MACROD2: variants seen among roughly 807,000 people sequenced by gnomAD.
MACROD2 encodes the protein mono-ADP ribosylhydrolase 2, also known as ADP-ribose glycohydrolase MACROD2.
A neutral mutation model predicts 70.4 loss-of-function variants in MACROD2; 36 were observed. The ratio of observed to expected loss-of-function variants is 0.51; its 90% CI spans 0.39 to 0.68. The LOEUF (loss-of-function observed/expected upper bound fraction) is 0.68, where lower values mean the gene tolerates loss of function less well. Among genes scored for constraint, MACROD2 ranks in the 30% least tolerant of loss-of-function variants. The pLI is 0.00. For synonymous variants in MACROD2, 172 were observed against 178.8 expected, an observed-to-expected ratio of 0.96 and a Z score of 0.30; for missense variants, 496 against 538.4, an observed-to-expected ratio of 0.92 and a Z score of 0.78.
intron 5 of MACROD2, among the ~76,000 whole-genome samples, chr20:14,922,663 G>A (rs951539286): frequency 3.3e-5 from 5 of 152,120 alleles, no homozygotes; most frequent in Non-Finnish European, 5.9e-5. Context: ...AAGGAAAGGC[G>A]AATGTTGATA....
chr20:15,405,965 G>T (rs989175493), intron 6 of MACROD2, among the ~76,000 whole-genome samples: 4 of 152,140 alleles, frequency 2.6e-5, no homozygotes, highest in Admixed American at 2.0e-4. Context: ...TGTCTGACAC[G>T]CAGTAAGGAC....
chr20:15,670,251 A>G (rs574362079), intron 8 of MACROD2, among the ~76,000 whole-genome samples: 2 of 152,348 alleles, frequency 1.3e-5, no homozygotes, highest in African/African-American at 4.8e-5. Context: ...TGGAATACCT[A>G]TGAGCTTTCA....
intron 3 of MACROD2, among the ~76,000 whole-genome samples, chr20:14,198,835 C>A (rs555079355): frequency 6.6e-6 from 1 of 152,148 alleles, no homozygotes; most frequent in African/African-American, 2.4e-5. Context: ...TGTAAATAAT[C>A]TAAATGAGCA....
chr20:15,869,116 T>C (rs1220049499), intron 9 of MACROD2, among the ~76,000 whole-genome samples: 1 of 150,442 alleles, frequency 6.6e-6, no homozygotes, highest in Non-Finnish European at 1.5e-5. Context: ...TTTTTAACCA[T>C]AAAAACAATT....
intron 10 of MACROD2, among the ~76,000 whole-genome samples, chr20:15,897,515 T>C (rs1048205258): frequency 6.6e-6 from 1 of 152,170 alleles, no homozygotes; most frequent in African/African-American, 2.4e-5. Flanking sequence ...CTTTCTATTC[T>C]TTCTTTCTCT....
intron 8 of MACROD2, among the ~76,000 whole-genome samples, chr20:15,750,777 A>C (rs1284866483): frequency 6.6e-6 from 1 of 152,018 alleles, no homozygotes; most frequent in African/African-American, 2.4e-5. Context: ...CAACAATGAA[A>C]AACTATTTGG....
At position 15,758,930 on chromosome 20, in the gene MACROD2, A is replaced by T. The variant is rs112885487; in HGVS notation, c.646-103815A>T. 5.0e-3 allele frequency among the ~76,000 whole-genome samples: 762 copies of T among 152,138 alleles called. 10 individuals are homozygous for T. The highest frequency in any genetic ancestry group is 0.017 in the African/African-American group (712 of 41,544). On this transcript the variant is annotated intron_variant, in intron 8 of 17. Coordinates refer to ENST00000684519, the MANE Select transcript of MACROD2 (RefSeq NM_001351661.2). ...TTTGGGAGGCCAAGGCAGGTGCCTC[A>T]CAAGGTCAGGAGTTCAAGACCAGCC...
At chr20:14,065,905 G>A (rs17263514) in intron 2 of MACROD2, among the ~76,000 whole-genome samples, 27,444 of 152,178 alleles carry the variant, frequency 0.18, 2,697 homozygotes, top group South Asian at 0.25. Flanking sequence ...AAATACGTGA[G>A]TCGTCATTGT....
At chr20:15,669,736 G>T (rs988879615) in intron 8 of MACROD2, among the ~76,000 whole-genome samples, 1 of 152,146 alleles carries the variant, frequency 6.6e-6, no homozygotes, top group African/African-American at 2.4e-5. Flanking sequence ...TGCCAAAGCC[G>T]AGGTAATGTC....
intron 3 of MACROD2, among the ~76,000 whole-genome samples, chr20:14,188,675 A>G (rs1052773523): frequency 3.9e-5 from 6 of 152,116 alleles, no homozygotes; most frequent in African/African-American, 1.4e-4. Context: ...CCGCTGCAAG[A>G]TATTGTGAAT....
intron 5 of MACROD2, among the ~76,000 whole-genome samples, chr20:14,789,238 A>G (rs573182065): frequency 1.3e-5 from 2 of 152,054 alleles, no homozygotes; most frequent in South Asian, 2.1e-4. Context: ...GTTAAATGCA[A>G]TTAAACTTTG....
At chr20:14,857,079 C>A (rs1347177223) in intron 5 of MACROD2, among the ~76,000 whole-genome samples, 1 of 152,122 alleles carries the variant, frequency 6.6e-6, no homozygotes, top group African/African-American at 2.4e-5. Flanking sequence ...TTCTCCAAAT[C>A]TTGTTATTTT....
chr20:14,156,230 GC>G (rs1259573295), intron 3 of MACROD2, among the ~76,000 whole-genome samples: 20 of 152,172 alleles, frequency 1.3e-4, no homozygotes, highest in African/African-American at 4.8e-4. Flanking sequence ...AATTATCTAT[GC>G]AAGCATGGGG....
chr20:15,547,937 T>G (rs934664445), intron 8 of MACROD2, among the ~76,000 whole-genome samples: 26 of 152,212 alleles, frequency 1.7e-4, no homozygotes, highest in African/African-American at 5.8e-4. Flanking sequence ...TGAACTGTGG[T>G]TTTAGTACAA....
At chr20:14,672,619 G>GTTATCT (rs1451876807) in intron 4 of MACROD2, among the ~76,000 whole-genome samples, 2 of 152,172 alleles carry the variant, frequency 1.3e-5, no homozygotes, top group African/African-American at 4.8e-5. Context: ...TATGAGCTAA[G>GTTATCT]CACTGTACAT....
Position 14,566,436 on chromosome 20 carries a change from CA to C in MACROD2, c.301+72938del, listed in dbSNP as rs910618280. On this transcript the variant is annotated intron_variant, in intron 4 of 17. Coordinates refer to ENST00000684519, the MANE Select transcript of MACROD2 (RefSeq NM_001351661.2). The stretch of plus-strand genomic sequence containing the variant: ...TTGGCAGCATAACAGGTCCCCACCT[CA>C]AAAAAAAAATTAGGATTGCTGAGTC... 716 of 148,116 alleles carry C rather than the reference CA, an allele frequency of 4.8e-3. 4 individuals are homozygous for C. Among genetic ancestry groups the C allele is most frequent in the African/African-American group, 0.017 (669 of 40,456 alleles). 9.2% of individuals were successfully genotyped at this position (148,116 alleles called of 1,614,324 possible).
At position 15,237,792 on chromosome 20, in the gene MACROD2, A is replaced by AT. The variant is rs879386996; in HGVS notation, c.540+7743dup. On this transcript the variant is annotated intron_variant, in intron 6 of 17. Transcript: ENST00000684519. ...TCTGAGGGAGGAGAAAAGCTGGACT[A>AT]TTTTTTTTTTTTATCTTTCCCCCTT... is the stretch of plus-strand genomic sequence containing the variant. Among the ~76,000 whole-genome samples the AT allele has an allele frequency of 7.1e-3, 1,031 of 145,778 alleles. 5 individuals carry two copies. Among genetic ancestry groups the AT allele is most frequent in the Middle Eastern group, 0.011 (3 of 276 alleles).
intron 8 of MACROD2, among the ~76,000 whole-genome samples, chr20:15,804,364 T>C (rs1431012262): frequency 6.6e-6 from 1 of 152,248 alleles, no homozygotes; most frequent in Non-Finnish European, 1.5e-5. Context: ...CCTAATAGTA[T>C]TCTGCTTAAT....
At chr20:14,808,278 T>A (rs1909817083) in intron 5 of MACROD2, among the ~76,000 whole-genome samples, 1 of 152,094 alleles carries the variant, frequency 6.6e-6, no homozygotes, top group South Asian at 2.1e-4. Flanking sequence ...GGGGTTGATA[T>A]TCAAAATTTT....
Sources: gnomAD v4.1 joint callset for allele counts (sites outside exome capture counted in the v4.1 genomes callset) on GRCh38, gnomAD v4.1.1 for gene constraint, MANE v1.5 for transcripts, NCBI Gene and HGNC (gene_info 2026-07-23, HGNC 2026-07-21) for gene names.